Variants in RASGEF1C observed in about 807,000 individuals in gnomAD.
RASGEF1C encodes RasGEF domain family member 1C.
In RASGEF1C, 27 loss-of-function variants were observed where a neutral mutation model predicts 58.1. The observed-to-expected ratio is 0.46, with a 90% confidence interval of 0.34 to 0.64. The LOEUF is 0.64. Ranked by LOEUF, RASGEF1C falls within the 30% of genes least tolerant of loss-of-function variation. The probability of loss-of-function intolerance (pLI) is 0.01; values close to 1 mark genes in which losing one functional copy is unlikely to be tolerated. For missense variants in RASGEF1C, 502 were observed against 605.1 expected (o/e 0.83, Z 1.79); for synonymous variants, 243 against 246.3 (o/e 0.99, Z 0.13).
chr5:180,115,246 C>A, intron 10 of RASGEF1C: 1 of 432,392 alleles, frequency 2.3e-6, no homozygotes, highest in Non-Finnish European at 4.5e-6. Context: ...GAACTCCTGA[C>A]CTTGTGATCT....
intron 12 of RASGEF1C, among the ~76,000 whole-genome samples, chr5:180,103,349 T>G (rs1158488169): frequency 6.6e-6 from 1 of 152,224 alleles, no homozygotes; most frequent in African/African-American, 2.4e-5. Flanking sequence ...AGTGCTGAGA[T>G]TACAGGCGTG....
intron 1 of RASGEF1C, among the ~76,000 whole-genome samples, chr5:180,189,111 G>A (rs1756100387): frequency 6.6e-6 from 1 of 152,158 alleles, no homozygotes; most frequent in Non-Finnish European, 1.5e-5. Context: ...CAAGATATGA[G>A]ATCAATACGT....
rs924563596 is a variant in RASGEF1C, at chr5:180,192,736, TTTTTTTG to T, written c.-7+16285_-7+16291del. Among the ~76,000 whole-genome samples the T allele has an allele frequency of 4.1e-5, 5 of 120,632 alleles. 1 individual carries two copies. Among genetic ancestry groups the T allele is most frequent in the Middle Eastern group, 8.8e-3 (2 of 226 alleles). The allele number at this position is 120,632 out of a possible 152,430, so 79.1% of individuals were successfully genotyped here. A position where few individuals can be genotyped will look rare whatever the true frequency, so the allele number is the denominator to read the frequency against. On this transcript the variant is annotated intron_variant, in intron 1 of 13. Coordinates refer to ENST00000361132, the MANE Select transcript of RASGEF1C (RefSeq NM_175062.4). Reference sequence around the variant, plus strand: ...GGTTAAATAAAATATCTTCATAGTGTTTTTTTGTTTTTTGTTTTTTTTTTTTGAGATG... The same window carrying T: ...GGTTAAATAAAATATCTTCATAGTGTTTTTTTGTTTTTTTTTTTTGAGATG...
Position 180,137,762 on chromosome 5 carries a change from G to A in RASGEF1C, c.178-50C>T, listed in dbSNP as rs1366258757. ...CACAGGCTCAGGAGGGCACCAGGAG[G>A]GGCATGCTTCCCAGCTGGCCCTGTA... On this transcript the variant is annotated intron_variant, in intron 2 of 13. Transcript: ENST00000361132. This position sits in a 1 kb window ranked among gnomAD's most constrained non-coding sequence, Gnocchi z 4.1. The A allele has an allele frequency of 3.7e-6, 6 of 1,608,614 alleles. No individual in the cohort carries two copies. Among genetic ancestry groups the A allele is most frequent in the African/African-American group, 2.7e-5 (2 of 74,868 alleles).
intron 1 of RASGEF1C, among the ~76,000 whole-genome samples, chr5:180,201,425 A>G (rs535940564): frequency 3.9e-5 from 6 of 152,330 alleles, no homozygotes; most frequent in Non-Finnish European, 7.3e-5. Context: ...CTTCATAACA[A>G]CAACAGGAGA....
At chr5:180,201,255 C>A (rs907905006) in intron 1 of RASGEF1C, among the ~76,000 whole-genome samples, 2 of 152,170 alleles carry the variant, frequency 1.3e-5, no homozygotes, top group Non-Finnish European at 2.9e-5. Context: ...AGGGGCCAGG[C>A]ATGTGGCCTG....
intron 1 of RASGEF1C, among the ~76,000 whole-genome samples, chr5:180,189,153 C>T (rs574198908): frequency 6.6e-6 from 1 of 152,194 alleles, no homozygotes; most frequent in South Asian, 2.1e-4. Context: ...CTATCAGCAA[C>T]AAAATGTTGG....
In RASGEF1C at chr5:180,137,648, G is replaced by A. The variant is rs1228729976; in HGVS notation, c.242C>T (p.Ala81Val). 6.2e-7 allele frequency: 1 copy of A among 1,612,620 alleles called. No homozygotes were observed. Among genetic ancestry groups the A allele is most frequent in the East Asian group, 2.2e-5 (1 of 44,880 alleles). The change falls in exon 3 of 14, where the codon GCC (alanine) becomes GTC (valine). Residue 81 changes from alanine to valine, a missense_variant. Physicochemically the swap from Ala to Val is moderately conservative, Grantham distance 64. Coordinates refer to ENST00000361132, the MANE Select transcript of RASGEF1C (RefSeq NM_175062.4). The surrounding 1 kb of genome is among the most constrained non-coding windows in gnomAD (Gnocchi z 4.1). ...RLFIEPRELL[A>V]RVCHLCIEQQ... is the part of the protein sequence containing the mutation. Reference sequence around the variant, plus strand: ...CTCGATGCACAGGTGGCAGACCCGGGCCAGGAGCTCCCGGGGCTCGATGAA... The same window carrying A: ...CTCGATGCACAGGTGGCAGACCCGGACCAGGAGCTCCCGGGGCTCGATGAA...
chr5:180,200,310 C>CTTTTTT (rs762904367), intron 1 of RASGEF1C, among the ~76,000 whole-genome samples: 48,879 of 90,076 alleles, frequency 0.54, 16,133 homozygotes, highest in Middle Eastern at 0.59. Context: ...GTACATCATT[C>CTTTTTT]TTTTTTTTTT....
At chr5:180,118,283 A>C (rs1047879122) in intron 10 of RASGEF1C, among the ~76,000 whole-genome samples, 1 of 152,040 alleles carries the variant, frequency 6.6e-6, no homozygotes, top group Non-Finnish European at 1.5e-5. Flanking sequence ...GACTCCGGAG[A>C]AGAGAGGAGA....
At chr5:180,108,819 C>T (rs1765909485) in intron 12 of RASGEF1C, among the ~76,000 whole-genome samples, 1 of 152,204 alleles carries the variant, frequency 6.6e-6, no homozygotes, top group African/African-American at 2.4e-5. Flanking sequence ...CTGTAAGTGA[C>T]CCAGCTGGGG....
At chr5:180,208,915 G>GCAGCCTC (rs1432774308) in intron 1 of RASGEF1C, 113 bp downstream of exon 1, 1 of 147,188 alleles carries the variant, frequency 6.8e-6, no homozygotes, top group Non-Finnish European at 1.5e-5. Flanking sequence ...CGCGCCGCGC[G>GCAGCCTC]CAGCCTCCCG....
chr5:180,133,537 G>A (rs766051300), intron 4 of RASGEF1C, among the ~76,000 whole-genome samples: 1 of 152,112 alleles, frequency 6.6e-6, no homozygotes, highest in Non-Finnish European at 1.5e-5. Flanking sequence ...GAAAAGACCC[G>A]TGCTCACCTC....
chr5:180,166,873 A>C (rs1184556468), intron 1 of RASGEF1C, among the ~76,000 whole-genome samples: 1 of 151,522 alleles, frequency 6.6e-6, no homozygotes, highest in Non-Finnish European at 1.5e-5. Flanking sequence ...TTCTTTTAGA[A>C]CTCTTGTTCC....
At chr5:180,184,469 C>T (rs1755991959) in intron 1 of RASGEF1C, among the ~76,000 whole-genome samples, 1 of 151,968 alleles carries the variant, frequency 6.6e-6, no homozygotes, top group South Asian at 2.1e-4. Flanking sequence ...CCCAGCTACT[C>T]GGGAGGCTGA....
intron 6 of RASGEF1C, among the ~76,000 whole-genome samples, chr5:180,125,820 A>C (rs547036627): frequency 6.6e-6 from 1 of 152,136 alleles, no homozygotes; most frequent in Non-Finnish European, 1.5e-5. Flanking sequence ...TGCTAATATA[A>C]ATATTGATAA....
rs1264250731 is a variant in RASGEF1C, at chr5:180,197,471, G to A, written c.-7+11557C>T. Among the ~76,000 whole-genome samples the A allele has an allele frequency of 1.3e-5, 2 of 152,216 alleles. No homozygotes were observed. The highest frequency in any genetic ancestry group is 2.9e-5 in the Non-Finnish European group (2 of 68,038). On this transcript the variant is annotated intron_variant, in intron 1 of 13. Transcript: ENST00000361132. This position sits in a 1 kb window ranked among gnomAD's most constrained non-coding sequence, Gnocchi z 4.7. ...AGCATGTGTTTATTGGGTGGTCCACGTGATGGACAGATGGGAGGCTGTGAG... is the reference window on the plus strand; with the variant it reads ...AGCATGTGTTTATTGGGTGGTCCACATGATGGACAGATGGGAGGCTGTGAG...
intron 1 of RASGEF1C, among the ~76,000 whole-genome samples, chr5:180,175,983 G>A (rs1015709605): frequency 1.3e-5 from 2 of 152,276 alleles, no homozygotes; most frequent in East Asian, 1.9e-4. Flanking sequence ...GCGGGACTCC[G>A]TCTCGAAGAA....
intron 1 of RASGEF1C, among the ~76,000 whole-genome samples, chr5:180,191,147 C>G (rs1194562032): frequency 2.0e-4 from 31 of 152,116 alleles, no homozygotes; most frequent in Admixed American, 2.0e-3. Flanking sequence ...ATACCAGATG[C>G]CGCATGGATA....
Sources: allele counts gnomAD v4.1 joint callset (sites outside exome capture counted in the v4.1 genomes callset), GRCh38; gene constraint gnomAD v4.1.1; non-coding constraint Gnocchi (gnomAD v3.1); transcripts MANE v1.5; gene names NCBI Gene and HGNC (gene_info 2026-07-23, HGNC 2026-07-21).